The following CNTN5 variants were observed in gnomAD, a reference collection of about 807,000 sequenced individuals.
CNTN5 encodes the protein contactin 5, also known as contactin-5.
CNTN5 carries 77 observed loss-of-function variants against 129.1 expected under a neutral mutation model. The ratio of observed to expected loss-of-function variants is 0.60; its 90% CI spans 0.50 to 0.72. The LOEUF (loss-of-function observed/expected upper bound fraction) is 0.72. CNTN5 is among the 30% of genes least tolerant of loss of function. The pLI is 0.00. For synonymous variants in CNTN5, 509 were observed against 465.6 expected, an observed-to-expected ratio of 1.09 and a Z score of -1.20; for missense variants, 1,478 against 1,328.8, an observed-to-expected ratio of 1.11 and a Z score of -1.75.
chr11:99,711,068 A>G (rs545270909), intron 3 of CNTN5, among the ~76,000 whole-genome samples: 1 of 152,054 alleles, frequency 6.6e-6, no homozygotes, highest in African/African-American at 2.4e-5. Context: ...CTAATTGTAC[A>G]TAACCTATAT....
chr11:100,159,022 G>A (rs1372463558), intron 13 of CNTN5, among the ~76,000 whole-genome samples: 1 of 151,770 alleles, frequency 6.6e-6, no homozygotes, highest in Non-Finnish European at 1.5e-5. Context: ...TAACAATATA[G>A]GTGAATCACA....
At chr11:99,509,542 T>A (rs1198091832) in intron 2 of CNTN5, among the ~76,000 whole-genome samples, 1 of 152,118 alleles carries the variant, frequency 6.6e-6, no homozygotes, top group East Asian at 1.9e-4. Context: ...TTTAAAGCAG[T>A]CTTTTAAAAT....
At chr11:99,482,925 C>T (rs1945656502) in intron 2 of CNTN5, among the ~76,000 whole-genome samples, 3 of 152,098 alleles carry the variant, frequency 2.0e-5, no homozygotes, top group African/African-American at 7.2e-5. Flanking sequence ...AAAAATAACT[C>T]TTAAAACTCA....
intron 2 of CNTN5, among the ~76,000 whole-genome samples, chr11:99,496,512 G>T (rs1389167365): frequency 6.6e-6 from 1 of 152,132 alleles, no homozygotes; most frequent in Non-Finnish European, 1.5e-5. Flanking sequence ...CAACTGTCAG[G>T]TCTTACCTAA....
At chr11:99,905,751 A>T (rs1949485318) in intron 6 of CNTN5, among the ~76,000 whole-genome samples, 1 of 152,138 alleles carries the variant, frequency 6.6e-6, no homozygotes, top group Non-Finnish European at 1.5e-5. Flanking sequence ...TTTTCATGAT[A>T]TTGATTCTTC....
intron 3 of CNTN5, among the ~76,000 whole-genome samples, chr11:99,564,769 A>C (rs1167219245): frequency 2.6e-5 from 4 of 152,156 alleles, no homozygotes; most frequent in African/African-American, 9.7e-5. Flanking sequence ...GTGTGCAGAG[A>C]TAGCAATTGG....
At chr11:99,474,025 T>G (rs1287176620) in intron 2 of CNTN5, among the ~76,000 whole-genome samples, 1 of 152,052 alleles carries the variant, frequency 6.6e-6, no homozygotes, top group Non-Finnish European at 1.5e-5. Flanking sequence ...AATACTTGTT[T>G]ACATGGTGAG....
intron 3 of CNTN5, among the ~76,000 whole-genome samples, chr11:99,610,900 G>A (rs997647314): frequency 2.6e-5 from 4 of 152,126 alleles, no homozygotes; most frequent in South Asian, 2.1e-4. Flanking sequence ...AATAAGCAGC[G>A]CTATGTGCTT....
At chr11:100,305,991 A>G (rs2138913827) in intron 20 of CNTN5, among the ~76,000 whole-genome samples, 1 of 147,664 alleles carries the variant, frequency 6.8e-6, no homozygotes, top group Middle Eastern at 3.4e-3. Context: ...GTAACGCTTT[A>G]AGAAGTTCAC....
chr11:100,279,260 GTTTTT>G (rs71465316), intron 18 of CNTN5, among the ~76,000 whole-genome samples: 1 of 148,394 alleles, frequency 6.7e-6, no homozygotes, highest in Non-Finnish European at 1.5e-5. Context: ...CAGTCTATAG[GTTTTT>G]TTTTTCTTTT....
At chr11:100,065,283 C>A (rs1943654970) in intron 10 of CNTN5, among the ~76,000 whole-genome samples, 1 of 151,984 alleles carries the variant, frequency 6.6e-6, no homozygotes, top group African/African-American at 2.4e-5. Flanking sequence ...TCAAAATAGT[C>A]TACTTTTTTT....
At chr11:99,515,208 A>C (rs1237006963) in intron 2 of CNTN5, among the ~76,000 whole-genome samples, 1 of 152,086 alleles carries the variant, frequency 6.6e-6, no homozygotes, top group Non-Finnish European at 1.5e-5. Context: ...GCGAAGAGAG[A>C]TTAACACTGC....
chr11:99,897,700 A>C (rs1949243436), intron 6 of CNTN5, among the ~76,000 whole-genome samples: 1 of 152,194 alleles, frequency 6.6e-6, no homozygotes. Context: ...TGACAGATAT[A>C]TACAGAACTC....
intron 13 of CNTN5, among the ~76,000 whole-genome samples, chr11:100,121,163 G>A (rs1428422376): frequency 6.6e-6 from 1 of 151,942 alleles, no homozygotes; most frequent in Non-Finnish European, 1.5e-5. Flanking sequence ...AAGAATGAGG[G>A]CTTGGATCCT....
intron 6 of CNTN5, among the ~76,000 whole-genome samples, chr11:99,896,495 C>T (rs1052289102): frequency 4.6e-5 from 7 of 152,070 alleles, no homozygotes; most frequent in African/African-American, 1.7e-4. Flanking sequence ...CGTGATGTAC[C>T]CCACAACTTC....
chr11:99,285,272 ATTAAT>A (rs1863883780), intron 1 of CNTN5, among the ~76,000 whole-genome samples: 1 of 152,140 alleles, frequency 6.6e-6, no homozygotes, highest in African/African-American at 2.4e-5. Flanking sequence ...AAACCTGCCA[ATTAAT>A]TTATTTTACT....
chr11:99,309,454 A>T (rs1014584722), intron 1 of CNTN5, among the ~76,000 whole-genome samples: 7 of 152,224 alleles, frequency 4.6e-5, no homozygotes, highest in African/African-American at 1.4e-4. Flanking sequence ...TTTCCCTCCC[A>T]ACAACAAAAG....
At position 100,204,818 on chromosome 11, in the gene CNTN5, A is replaced by G. The variant is rs772786054; in HGVS notation, c.1884+11155A>G. 1.2e-4 allele frequency among the ~76,000 whole-genome samples: 19 copies of G among 152,170 alleles called. 1 individual carries two copies. The Middle Eastern group carries it at 0.014, about 110-fold the overall frequency. ...ATTCTAGTTTTCATGTTGAAGAAATACTGATATGTTTTATAAGCATTGCAT... is the reference window on the plus strand; with the variant it reads ...ATTCTAGTTTTCATGTTGAAGAAATGCTGATATGTTTTATAAGCATTGCAT... On this transcript the variant is annotated intron_variant, in intron 15 of 24. Transcript: ENST00000524871.
chr11:99,392,455 C>A (rs1941313522), intron 2 of CNTN5, among the ~76,000 whole-genome samples: 1 of 151,680 alleles, frequency 6.6e-6, no homozygotes, highest in African/African-American at 2.4e-5. Context: ...TCTGGTTTTC[C>A]TGCTGGAGTA....
Sources: allele counts gnomAD v4.1 joint callset (sites outside exome capture counted in the v4.1 genomes callset), GRCh38; gene constraint gnomAD v4.1.1; transcripts MANE v1.5; gene names NCBI Gene and HGNC (gene_info 2026-07-23, HGNC 2026-07-21).